Variants in AMZ2 observed in about 807,000 individuals in gnomAD.
AMZ2 encodes the protein archaelysin family metallopeptidase 2, also known as archaemetzincin-2.
A neutral mutation model predicts 36.7 loss-of-function variants in AMZ2; 26 were observed. That is an observed-to-expected ratio of 0.71 (90% CI 0.52 to 0.98). AMZ2 has a LOEUF of 0.98. AMZ2 is among the 50% of genes least tolerant of loss of function. The pLI is 0.00. For missense variants in AMZ2, 394 were observed against 430.5 expected (o/e 0.92, Z 0.75); for synonymous variants, 144 against 149.1 (o/e 0.97, Z 0.25).
chr17:68,247,885 G>C (rs2074104191), upstream of AMZ2: 1 of 985,534 alleles, frequency 1.0e-6, no homozygotes, highest in Non-Finnish European at 1.2e-6. Context: ...GGCGGGTCGC[G>C]GCCGCTGAAC....
chr17:68,227,998 C>T (rs1342187932), intron 1 of AMZ2, among the ~76,000 whole-genome samples: 1 of 152,070 alleles, frequency 6.6e-6, no homozygotes, highest in African/African-American at 2.4e-5. Flanking sequence ...GAGACATTTC[C>T]AGCCTGTCAC....
intron 1 of AMZ2, chr17:68,207,313 A>ATCCCCC (rs2072865347): frequency 9.0e-6 from 1 of 110,702 alleles, no homozygotes; most frequent in Non-Finnish European, 1.9e-5. Flanking sequence ...TTTGTTAAAT[A>ATCCCCC]CCCCCCCCCC....
chr17:68,234,377 G>C (rs544977851), intron 1 of AMZ2, among the ~76,000 whole-genome samples: 1 of 152,032 alleles, frequency 6.6e-6, no homozygotes, highest in South Asian at 2.1e-4. Context: ...GAGCCCAGGA[G>C]GTCAAGGCTG....
chr17:68,222,048 A>T lies in AMZ2; in HGVS notation c.-67+15810A>T, dbSNP rs1357076381. ...GAGCTTATACATTAGCAATGGAATT[A>T]GAAGGAGGTGAATGAAAAGGATACT... On this transcript the variant is annotated intron_variant, in intron 1 of 7. Transcript: ENST00000674770. Among the ~76,000 whole-genome samples the T allele has an allele frequency of 2.1e-4, 32 of 152,374 alleles. 1 individual carries two copies. Among genetic ancestry groups the T allele is most frequent in the Admixed American group, 2.0e-3 (31 of 15,308 alleles).
At chr17:68,254,365 C>T (rs1555741419) in intron 4 of AMZ2, 39 bp from the exon 5 acceptor site, 1 of 1,583,110 alleles carries the variant, frequency 6.3e-7, no homozygotes, top group Non-Finnish European at 8.6e-7. Flanking sequence ...CTTCAGGGAC[C>T]TTACTCTCAT....
chr17:68,255,799 C>A lies in AMZ2; in HGVS notation c.850C>A (p.Arg284Ser). The A allele has an allele frequency of 6.2e-7, 1 of 1,614,140 alleles. No individual in the cohort carries two copies. Among genetic ancestry groups the A allele is most frequent in the Non-Finnish European group, 8.5e-7 (1 of 1,180,022 alleles). Residue 284 changes from arginine (R) to serine (S), a missense_variant, in exon 6 of 7, where the codon CGC becomes AGC. Physicochemically the swap from Arg to Ser is moderately radical, Grantham distance 110. Transcript: ENST00000359904. Reference protein sequence around the residue: ...GSNHLEEADRRPLNLCPICLH... With the variant: ...GSNHLEEADRSPLNLCPICLH... ...CAACCACTTGGAAGAAGCTGACCGG[C>A]GCCCTCTAAACCTTTGCCCTATCTG...
intron 1 of AMZ2, among the ~76,000 whole-genome samples, chr17:68,217,228 A>ATTTTT (rs2073221552): frequency 1.6e-5 from 2 of 127,726 alleles, no homozygotes; most frequent in Admixed American, 1.5e-4. Flanking sequence ...GACTCAGATG[A>ATTTTT]CAAATACCTG....
intron 4 of AMZ2, among the ~76,000 whole-genome samples, chr17:68,254,073 T>A (rs1459137463): frequency 6.6e-6 from 1 of 152,222 alleles, no homozygotes; most frequent in Admixed American, 6.5e-5. Flanking sequence ...GATTCCTTTT[T>A]GAGTACTTGA....
In AMZ2 at chr17:68,248,238, G is replaced by C. The variant is rs1215292085; in HGVS notation, c.-468G>C. 2 of 985,834 alleles carry C rather than the reference G, an allele frequency of 2.0e-6. No homozygotes were observed. Among genetic ancestry groups the C allele is most frequent in the African/African-American group, 1.7e-5 (1 of 57,262 alleles). The allele number at this position is 985,834 out of a possible 1,614,324, so 61.1% of individuals were successfully genotyped here. ...AGGATGTAGGAGGGGCGGACGTGGC[G>C]GAAGCCGCGGGGTCCGCGGGGTCGG... is the stretch of plus-strand genomic sequence containing the variant. On this transcript the variant is annotated 5_prime_UTR_variant, in exon 1 of 7. Coordinates refer to ENST00000359904, the MANE Select transcript of AMZ2 (RefSeq NM_016627.5).
intron 1 of AMZ2, among the ~76,000 whole-genome samples, chr17:68,209,667 G>A (rs2072981402): frequency 7.6e-6 from 1 of 132,032 alleles, no homozygotes; most frequent in Non-Finnish European, 1.6e-5. Context: ...CTCCTCTCAG[G>A]CTGGAGTGCA....
chr17:68,241,661 T>C (rs2073902154), intron 1 of AMZ2, among the ~76,000 whole-genome samples: 1 of 152,050 alleles, frequency 6.6e-6, no homozygotes, highest in Admixed American at 6.5e-5. Flanking sequence ...TTTTAGTACT[T>C]CTTAGCTTTT....
intron 4 of AMZ2, among the ~76,000 whole-genome samples, chr17:68,253,791 A>G (rs11868130): frequency 0.78 from 116,510 of 149,912 alleles, 46,097 homozygotes; most frequent in African/African-American, 0.93. Flanking sequence ...GTATCACTCT[A>G]TCGTCAGGCT....
At chr17:68,221,009 C>G (rs1555728331) in intron 1 of AMZ2, among the ~76,000 whole-genome samples, 2 of 151,810 alleles carry the variant, frequency 1.3e-5, no homozygotes, top group Non-Finnish European at 2.9e-5. Context: ...GTCTTGAACT[C>G]CTGACTTCAG....
chr17:68,227,181 G>T (rs1181064617), intron 1 of AMZ2, among the ~76,000 whole-genome samples: 1 of 152,180 alleles, frequency 6.6e-6, no homozygotes, highest in Non-Finnish European at 1.5e-5. Flanking sequence ...CCATCTCAGC[G>T]AGAGTCAGCC....
intron 1 of AMZ2, among the ~76,000 whole-genome samples, chr17:68,240,237 A>C (rs1187951292): frequency 2.3e-4 from 35 of 152,196 alleles, no homozygotes; most frequent in African/African-American, 8.2e-4. Flanking sequence ...TAAGAGTTCC[A>C]CTCTCATGAC....
intron 1 of AMZ2, among the ~76,000 whole-genome samples, chr17:68,228,479 GCTCT>G (rs1285316742): frequency 6.6e-6 from 1 of 152,122 alleles, no homozygotes; most frequent in Non-Finnish European, 1.5e-5. Flanking sequence ...TGAGGACAAG[GCTCT>G]CTCCATCCTT....
At chr17:68,209,579 T>TGG (rs1197997935) in intron 1 of AMZ2, among the ~76,000 whole-genome samples, 2 of 113,368 alleles carry the variant, frequency 1.8e-5, no homozygotes, top group African/African-American at 3.6e-5. Flanking sequence ...AAAATAATTG[T>TGG]GGGTGTGTGT....
At position 68,235,201 on chromosome 17, in the gene AMZ2, C is replaced by T. The variant is rs1397822685; in HGVS notation, c.-66-13439C>T. 1.3e-5 allele frequency among the ~76,000 whole-genome samples: 2 copies of T among 152,206 alleles called. No individual in the cohort carries two copies. The highest frequency in any genetic ancestry group is 4.8e-5 in the African/African-American group (2 of 41,450). ...ACGAGGATATATCACAAGTACTTGT[C>T]TCCAGCGCTGGTTTCTTAGCAAAAA... On this transcript the variant is annotated intron_variant, in intron 1 of 7. Coordinates refer to the AMZ2 transcript ENST00000674770. The surrounding 1 kb of genome is among the most constrained non-coding windows in gnomAD (Gnocchi z 4.2).
At position 68,235,609 on chromosome 17, in the gene AMZ2, C is replaced by T. The variant is rs1438990116; in HGVS notation, c.-66-13031C>T. On this transcript the variant is annotated intron_variant, in intron 1 of 7. Transcript: ENST00000674770. This position sits in a 1 kb window ranked among gnomAD's most constrained non-coding sequence, Gnocchi z 4.2. ...AGCCTCAATCCCTCAGGGCCCCTCTCGGTGCCTGCTTGGCTGACTGGGCAG... is the reference window on the plus strand; with the variant it reads ...AGCCTCAATCCCTCAGGGCCCCTCTTGGTGCCTGCTTGGCTGACTGGGCAG... Among the ~76,000 whole-genome samples, 1 of 152,162 alleles carries T rather than the reference C, an allele frequency of 6.6e-6. No individual in the cohort carries two copies. Among genetic ancestry groups the T allele is most frequent in the East Asian group, 1.9e-4 (1 of 5,180 alleles).
Sources: allele counts gnomAD v4.1 joint callset (sites outside exome capture counted in the v4.1 genomes callset), GRCh38; gene constraint gnomAD v4.1.1; non-coding constraint Gnocchi (gnomAD v3.1); transcripts MANE v1.5; gene names NCBI Gene and HGNC (gene_info 2026-07-23, HGNC 2026-07-21).